DYNC2H1: variants seen among roughly 807,000 people sequenced by gnomAD.
DYNC2H1 encodes the protein dynein cytoplasmic 2 heavy chain 1.
In DYNC2H1, 410 loss-of-function variants were observed where a neutral mutation model predicts 570.0. The observed-to-expected ratio is 0.72, with a 90% CI of 0.66 to 0.78. The LOEUF (loss-of-function observed/expected upper bound fraction) is 0.78, where lower values mean the gene tolerates loss of function less well. Among genes scored for constraint, DYNC2H1 ranks in the 30% least tolerant of loss-of-function variants. DYNC2H1 has a pLI of 0.00. For synonymous variants in DYNC2H1, 1,688 were observed against 1,677.6 expected (o/e 1.01, Z -0.15); for missense variants, 4,865 against 5,046.4 (o/e 0.96, Z 1.09).
At chr11:103,412,981 C>T (rs923395841) in intron 84 of DYNC2H1, among the ~76,000 whole-genome samples, 3 of 151,952 alleles carry the variant, frequency 2.0e-5, no homozygotes, top group Non-Finnish European at 4.4e-5. Context: ...GAGACCTTGG[C>T]AGAAATATGA....
chr11:103,479,071 TA>T, intron 88 of DYNC2H1, 23 bp from the exon 89 acceptor site: 1 of 1,612,514 alleles, frequency 6.2e-7, no homozygotes, highest in Non-Finnish European at 8.5e-7. Context: ...TGCTTTATTT[TA>T]AAACAAGTTA....
intron 47 of DYNC2H1, among the ~76,000 whole-genome samples, chr11:103,194,112 CT>C (rs1457122797): frequency 6.6e-6 from 1 of 152,136 alleles, no homozygotes; most frequent in Non-Finnish European, 1.5e-5. Context: ...TAATGTTACC[CT>C]TTTGTAGCCA....
At chr11:103,155,220 A>G in intron 24 of DYNC2H1, 111 bp from the exon 25 acceptor site, 1 of 994,552 alleles carries the variant, frequency 1.0e-6, no homozygotes, top group Non-Finnish European at 1.4e-6. Context: ...AGAAAATGGA[A>G]TAATTAAAAT....
chr11:103,127,408 A>G lies in DYNC2H1; in HGVS notation c.1858-1502A>G, dbSNP rs1490150190. On this transcript the variant is annotated intron_variant, in intron 12 of 88. Transcript: ENST00000375735. ...AGCAGTATGGCTAGATTGTAACAGA[A>G]TATATACTATTGTATTGCTTCTGGT... Among the ~76,000 whole-genome samples, 5 of 152,210 alleles carry G rather than the reference A, an allele frequency of 3.3e-5. 1 individual carries two copies. Among genetic ancestry groups the G allele is most frequent in the Admixed American group, 2.6e-4 (4 of 15,278 alleles).
At position 103,247,717 on chromosome 11, in the gene DYNC2H1, T is replaced by C. The variant is rs549289506; in HGVS notation, c.10042+2343T>C. On this transcript the variant is annotated intron_variant, in intron 65 of 88. Coordinates refer to ENST00000375735, the MANE Select transcript of DYNC2H1 (RefSeq NM_001377.3). The stretch of plus-strand genomic sequence containing the variant: ...ACCCATGAGTCTCTGGACAGGTATA[T>C]TTTAGTTGGTCTCAGAGTGGCATAT... Among the ~76,000 whole-genome samples, 4 of 152,182 alleles carry C rather than the reference T, an allele frequency of 2.6e-5. No individual in the cohort carries two copies. The South Asian group carries it at 8.3e-4, about 31-fold the overall frequency.
intron 84 of DYNC2H1, among the ~76,000 whole-genome samples, chr11:103,427,610 C>A (rs1943719035): frequency 2.6e-5 from 4 of 152,088 alleles, no homozygotes; most frequent in Admixed American, 2.6e-4. Context: ...GCTGGCAGAT[C>A]TGGTGGTATC....
At chr11:103,453,641 T>TATATATATATATACAC (rs1273661728) in intron 85 of DYNC2H1, among the ~76,000 whole-genome samples, 1 of 93,192 alleles carries the variant, frequency 1.1e-5, no homozygotes, top group African/African-American at 3.8e-5. Flanking sequence ...TATATATATA[T>TATATATATATATACAC]ACACACATTC....
chr11:103,144,414 T>C (rs1421253221), intron 18 of DYNC2H1, among the ~76,000 whole-genome samples: 2 of 152,130 alleles, frequency 1.3e-5, no homozygotes, highest in Non-Finnish European at 2.9e-5. Flanking sequence ...GAACTAAAAC[T>C]ATGGGGATTC....
chr11:103,470,320 C>G, intron 88 of DYNC2H1, among the ~76,000 whole-genome samples: 1 of 152,148 alleles, frequency 6.6e-6, no homozygotes, highest in Non-Finnish European at 1.5e-5. Flanking sequence ...GAATAAAAAG[C>G]TAATTTAATT....
At position 103,461,170 on chromosome 11, in the gene DYNC2H1, T is replaced by C. The variant is rs1047403671; in HGVS notation, c.12648+4814T>C. Among the ~76,000 whole-genome samples, 1 of 152,236 alleles carries C rather than the reference T, an allele frequency of 6.6e-6. No individual in the cohort carries two copies. The highest frequency in any genetic ancestry group is 1.5e-5 in the Non-Finnish European group (1 of 68,030). On this transcript the variant is annotated intron_variant, in intron 87 of 88. Transcript: ENST00000375735. This position sits in a 1 kb window ranked among gnomAD's most constrained non-coding sequence, Gnocchi z 4.8. ...TTTGTAAGGCTTTCACTGTTAGCAC[T>C]TGGCAAAATTAGTAAGTTCATTTGT...
At chr11:103,370,126 A>G (rs891527242) in intron 83 of DYNC2H1, among the ~76,000 whole-genome samples, 5 of 152,202 alleles carry the variant, frequency 3.3e-5, no homozygotes, top group African/African-American at 1.2e-4. Flanking sequence ...AGCATTCACT[A>G]CAAGTGGACT....
At chr11:103,466,544 A>C (rs79517131) in intron 87 of DYNC2H1, among the ~76,000 whole-genome samples, 2,222 of 152,318 alleles carry the variant, frequency 0.015, 53 homozygotes, top group African/African-American at 0.051. Flanking sequence ...GGATGTTTAT[A>C]GATCAATCTT....
In DYNC2H1 at chr11:103,358,311, G is replaced by A. The variant is rs761165740; in HGVS notation, c.12108G>A (p.Trp4036Ter). 1 of 1,590,818 alleles carries A rather than the reference G, an allele frequency of 6.3e-7. No individual in the cohort carries two copies. The highest frequency in any genetic ancestry group is 2.3e-5 in the East Asian group (1 of 44,258). ...TAGSKFDREI[W>*]SNELSPVLNL... Reference sequence around the variant, plus strand: ...GTTCCAAATTTGATAGAGAAATCTGGTCTAATGAACTTTCTCCTGTCCTCA... The same window carrying A: ...GTTCCAAATTTGATAGAGAAATCTGATCTAATGAACTTTCTCCTGTCCTCA... The change falls in exon 83 of 89, where the codon TGG becomes TGA. Residue 4036 changes from tryptophan (W) to a stop codon, truncating the protein, a stop_gained. Transcript: ENST00000375735. LOFTEE classifies it high-confidence loss of function.
At chr11:103,354,070 G>A (rs1283194690) in intron 82 of DYNC2H1, among the ~76,000 whole-genome samples, 5 of 151,172 alleles carry the variant, frequency 3.3e-5, no homozygotes, top group South Asian at 2.1e-4. Context: ...CCAGCTACTC[G>A]GGAGGCTGAG....
At chr11:103,114,377 T>C (rs2134685827) in intron 3 of DYNC2H1, 139 bp downstream of exon 3, 1 of 995,086 alleles carries the variant, frequency 1.0e-6, no homozygotes, top group South Asian at 2.0e-5. Flanking sequence ...AATGAGTAGA[T>C]TTATGTGGAT....
intron 17 of DYNC2H1, among the ~76,000 whole-genome samples, 166 bp from the exon 18 acceptor site, chr11:103,143,102 T>G (rs1860045037): frequency 6.6e-6 from 1 of 152,238 alleles, no homozygotes; most frequent in African/African-American, 2.4e-5. Flanking sequence ...CTCTTTTTTC[T>G]GTTTATTCTT....
chr11:103,438,407 A>G (rs912814988), intron 85 of DYNC2H1, among the ~76,000 whole-genome samples: 11 of 152,192 alleles, frequency 7.2e-5, no homozygotes, highest in Admixed American at 6.6e-4. Flanking sequence ...AAAACAAAGG[A>G]TGGGAAACTG....
chr11:103,197,404 C>T (rs908952362), intron 47 of DYNC2H1, among the ~76,000 whole-genome samples: 3 of 151,986 alleles, frequency 2.0e-5, no homozygotes, highest in African/African-American at 7.2e-5. Context: ...AGTCACTTTT[C>T]AGGTAGAGTT....
chr11:103,436,560 C>T (rs1170194645), intron 85 of DYNC2H1, among the ~76,000 whole-genome samples: 1 of 152,090 alleles, frequency 6.6e-6, no homozygotes, highest in East Asian at 1.9e-4. Flanking sequence ...GCTTGTTGCA[C>T]CAGCTTCACA....
Sources: allele counts gnomAD v4.1 joint callset (sites outside exome capture counted in the v4.1 genomes callset), GRCh38; gene constraint gnomAD v4.1.1; non-coding constraint Gnocchi (gnomAD v3.1); transcripts MANE v1.5; gene names NCBI Gene and HGNC (gene_info 2026-07-23, HGNC 2026-07-21).